The following MACROD2 variants were observed in gnomAD, a reference collection of about 807,000 sequenced individuals.
MACROD2 encodes ADP-ribose glycohydrolase MACROD2.
Under a neutral mutation model 70.4 loss-of-function variants are expected in MACROD2, and 36 were observed. That is an observed-to-expected ratio of 0.51 (90% confidence interval 0.39 to 0.68). The LOEUF is 0.68. Ranked by LOEUF, MACROD2 falls within the 30% of genes least tolerant of loss-of-function variation. The pLI is 0.00. For missense variants in MACROD2, 496 were observed against 538.4 expected (o/e 0.92, Z 0.78); for synonymous variants, 172 against 178.8 (o/e 0.96, Z 0.30).
intron 4 of MACROD2, among the ~76,000 whole-genome samples, chr20:14,572,520 A>G (rs932653393): frequency 1.3e-5 from 2 of 152,202 alleles, no homozygotes; most frequent in Non-Finnish European, 2.9e-5. Flanking sequence ...AACCAATAGT[A>G]GAAAAGATAA....
At chr20:14,302,056 A>C (rs186497920) in intron 3 of MACROD2, among the ~76,000 whole-genome samples, 1 of 152,332 alleles carries the variant, frequency 6.6e-6, no homozygotes, top group East Asian at 1.9e-4. Flanking sequence ...ATTACTACAG[A>C]ATTACTGTCT....
chr20:15,013,160 C>T (rs572868283), intron 5 of MACROD2, among the ~76,000 whole-genome samples: 1 of 152,226 alleles, frequency 6.6e-6, no homozygotes, highest in East Asian at 1.9e-4. Context: ...CCAGTGAGAG[C>T]ATTGCATTCC....
intron 12 of MACROD2, among the ~76,000 whole-genome samples, chr20:15,964,628 G>A (rs947963823): frequency 4.6e-5 from 7 of 151,954 alleles, no homozygotes; most frequent in African/African-American, 1.5e-4. Flanking sequence ...AGGATTTCAC[G>A]TACATATTCA....
intron 6 of MACROD2, among the ~76,000 whole-genome samples, chr20:15,385,446 T>C (rs761000147): frequency 4.6e-5 from 7 of 152,180 alleles, no homozygotes; most frequent in Non-Finnish European, 1.0e-4. Flanking sequence ...ACTGTATGAA[T>C]ACTGAGTGAC....
At chr20:14,559,447 G>C (rs1218996444) in intron 4 of MACROD2, among the ~76,000 whole-genome samples, 1 of 151,480 alleles carries the variant, frequency 6.6e-6, no homozygotes, top group Non-Finnish European at 1.5e-5. Flanking sequence ...CTATGGAAGA[G>C]GATAAAGTTA....
At chr20:14,799,300 A>C (rs530003458) in intron 5 of MACROD2, among the ~76,000 whole-genome samples, 2 of 152,164 alleles carry the variant, frequency 1.3e-5, no homozygotes, top group East Asian at 3.9e-4. Flanking sequence ...AATTTGAGAA[A>C]TCCCAGCACA....
At chr20:15,485,738 G>C (rs1232175240) in intron 7 of MACROD2, among the ~76,000 whole-genome samples, 1 of 152,172 alleles carries the variant, frequency 6.6e-6, no homozygotes, top group Non-Finnish European at 1.5e-5. Flanking sequence ...CTGTGGTTAA[G>C]AGGAATGAGC....
intron 6 of MACROD2, among the ~76,000 whole-genome samples, chr20:15,247,597 G>A (rs566251144): frequency 6.6e-6 from 1 of 152,234 alleles, no homozygotes; most frequent in East Asian, 1.9e-4. Context: ...GTCTTCCTAG[G>A]CTGCGAAACC....
chr20:15,741,724 C>T lies in MACROD2; in HGVS notation c.646-121021C>T, dbSNP rs558197850. 2.0e-5 allele frequency among the ~76,000 whole-genome samples: 3 copies of T among 152,080 alleles called. No homozygotes were observed. In the East Asian group the frequency reaches 5.8e-4, roughly 29 times the overall value. ...CTTCATTTCTCATAGCATGTTGCAC[C>T]CTCACACACAAGATATCATTTTCCT... On this transcript the variant is annotated intron_variant, in intron 8 of 17. Coordinates refer to ENST00000684519, the MANE Select transcript of MACROD2 (RefSeq NM_001351661.2).
At chr20:15,719,543 C>T (rs747279464) in intron 8 of MACROD2, among the ~76,000 whole-genome samples, 26 of 152,168 alleles carry the variant, frequency 1.7e-4, no homozygotes, top group Non-Finnish European at 3.5e-4. Context: ...TTTAACTAAG[C>T]TTCAATGAAA....
At chr20:14,168,951 C>T (rs938172141) in intron 3 of MACROD2, among the ~76,000 whole-genome samples, 3 of 152,116 alleles carry the variant, frequency 2.0e-5, no homozygotes, top group East Asian at 3.8e-4. Context: ...TGGAAAAATC[C>T]TCAATGAAAT....
intron 8 of MACROD2, among the ~76,000 whole-genome samples, chr20:15,656,950 A>G (rs1188304803): frequency 6.6e-6 from 1 of 152,174 alleles, no homozygotes; most frequent in East Asian, 1.9e-4. Context: ...AGTATATGAT[A>G]AAAATAAAGA....
At chr20:14,350,383 C>T (rs1475464726) in intron 3 of MACROD2, among the ~76,000 whole-genome samples, 3 of 151,952 alleles carry the variant, frequency 2.0e-5, no homozygotes, top group Non-Finnish European at 2.9e-5. Flanking sequence ...CACACCCTCG[C>T]CAGCATTTAT....
chr20:15,478,523 A>C (rs1302751508), intron 7 of MACROD2, among the ~76,000 whole-genome samples: 3 of 150,726 alleles, frequency 2.0e-5, no homozygotes, highest in Non-Finnish European at 1.5e-5. Flanking sequence ...ACGTGTATGC[A>C]TGGTTGCGTG....
chr20:15,045,119 A>G (rs1034333963), intron 5 of MACROD2, among the ~76,000 whole-genome samples: 1 of 152,150 alleles, frequency 6.6e-6, no homozygotes, highest in Admixed American at 6.5e-5. Flanking sequence ...ACAGTACTAA[A>G]GATGATCTAG....
rs34355502 is a variant in MACROD2 at position 16,050,972 on chromosome 20, C to T, written c.*1096C>T. 6.6e-6 allele frequency: 1 copy of T among 152,234 alleles called. No individual in the cohort carries two copies. Among genetic ancestry groups the T allele is most frequent in the Admixed American group, 6.5e-5 (1 of 15,270 alleles). 9.4% of individuals were successfully genotyped at this position (152,234 alleles called of 1,614,324 possible). ...ATGGTTGGTCCCCTCACCCAGAAAA[C>T]CCTGAAGGGGAGGATACAGCTCTGA... On this transcript the variant is annotated 3_prime_UTR_variant, in exon 18 of 18. Transcript: ENST00000684519.
chr20:14,018,240 GT>G (rs890591909), intron 2 of MACROD2, among the ~76,000 whole-genome samples: 2 of 151,012 alleles, frequency 1.3e-5, no homozygotes, highest in Non-Finnish European at 3.0e-5. Context: ...CTAAAATTTT[GT>G]TTTGTTGATT....
intron 8 of MACROD2, among the ~76,000 whole-genome samples, chr20:15,529,100 A>G (rs1173336653): frequency 6.6e-6 from 1 of 152,136 alleles, no homozygotes; most frequent in Non-Finnish European, 1.5e-5. Context: ...GCTCCACGTG[A>G]TTGATCAGAT....
chr20:15,188,138 T>C (rs1044626966), intron 5 of MACROD2, among the ~76,000 whole-genome samples: 2 of 152,192 alleles, frequency 1.3e-5, no homozygotes, highest in African/African-American at 2.4e-5. Context: ...GTCCTCACTT[T>C]CTCATATAAA....
Sources: gnomAD v4.1 joint callset for allele counts (sites outside exome capture counted in the v4.1 genomes callset) on GRCh38, gnomAD v4.1.1 for gene constraint, MANE v1.5 for transcripts, NCBI Gene and HGNC (gene_info 2026-07-23, HGNC 2026-07-21) for gene names.